PTPRN2: variants seen among roughly 807,000 people sequenced by gnomAD.
PTPRN2 encodes the protein receptor-type tyrosine-protein phosphatase N2.
PTPRN2 carries 74 observed loss-of-function variants against 118.8 expected under a neutral mutation model. The observed-to-expected ratio is 0.62, with a 90% confidence interval of 0.52 to 0.76. The LOEUF (loss-of-function observed/expected upper bound fraction) is 0.76, where lower values mean the gene tolerates loss of function less well. Among genes scored for constraint, PTPRN2 ranks in the 30% least tolerant of loss-of-function variants. The pLI is 0.00. For missense variants in PTPRN2, 1,481 were observed against 1,394.4 expected (o/e 1.06, Z -0.99); for synonymous variants, 641 against 608.0 (o/e 1.05, Z -0.80).
intron 2 of PTPRN2, among the ~76,000 whole-genome samples, chr7:158,332,859 C>T (rs1586314879): frequency 6.7e-6 from 1 of 148,852 alleles, no homozygotes; most frequent in Non-Finnish European, 1.5e-5. Flanking sequence ...ACGTCACTCA[C>T]ACCCACACTC....
intron 2 of PTPRN2, among the ~76,000 whole-genome samples, chr7:158,379,283 G>C (rs2151339030): frequency 6.6e-6 from 1 of 152,308 alleles, no homozygotes; most frequent in African/African-American, 2.4e-5. Context: ...CCGGGGTAGG[G>C]AATACGGTTC....
chr7:158,395,865 G>A (rs1812444035), intron 2 of PTPRN2, among the ~76,000 whole-genome samples: 1 of 151,980 alleles, frequency 6.6e-6, no homozygotes. Context: ...CCGAATTCGG[G>A]CAGAGCGCCA....
intron 2 of PTPRN2, among the ~76,000 whole-genome samples, chr7:158,337,640 C>G (rs1805932750): frequency 1.3e-5 from 2 of 148,206 alleles, no homozygotes; most frequent in African/African-American, 2.5e-5. Context: ...AGACGTCATT[C>G]ACACCCACAC....
At chr7:158,123,443 C>T (rs1817341359) in intron 9 of PTPRN2, among the ~76,000 whole-genome samples, 1 of 152,156 alleles carries the variant, frequency 6.6e-6, no homozygotes, top group Admixed American at 6.5e-5. Context: ...CACCCTGGAT[C>T]CCCTGCACGC....
In PTPRN2 at chr7:157,743,799, G is replaced by A. The variant is rs146119764; in HGVS notation, c.1789-60862C>T. On this transcript the variant is annotated intron_variant, in intron 12 of 22. Transcript: ENST00000389418. ...CTGTGGCTGGGATAACAATCTCCAG[G>A]TTGGCTGAGCTGGGCTTCTGGCAAG... Among the ~76,000 whole-genome samples, 286 of 152,312 alleles carry A rather than the reference G, an allele frequency of 1.9e-3. 1 individual carries two copies. Among genetic ancestry groups the A allele is most frequent in the Middle Eastern group, 3.4e-3 (1 of 294 alleles).
intron 3 of PTPRN2, among the ~76,000 whole-genome samples, chr7:158,232,857 G>A (rs908396103): frequency 2.0e-5 from 3 of 151,986 alleles, no homozygotes; most frequent in Non-Finnish European, 4.4e-5. Context: ...TGCTAAAAAA[G>A]CATTTGATAA....
At chr7:157,739,056 G>C (rs990841661) in intron 12 of PTPRN2, 1 of 152,194 alleles carries the variant, frequency 6.6e-6, no homozygotes, top group Non-Finnish European at 1.5e-5. Flanking sequence ...AGTGGTTTCT[G>C]CATCAGTTTT....
intron 1 of PTPRN2, among the ~76,000 whole-genome samples, chr7:158,562,660 G>T (rs971047641): frequency 1.3e-5 from 2 of 152,184 alleles, no homozygotes; most frequent in African/African-American, 4.8e-5. Flanking sequence ...AAGCCACAAG[G>T]CTGATTGTGC....
chr7:158,114,041 G>A (rs1244385933), intron 9 of PTPRN2, among the ~76,000 whole-genome samples: 1 of 152,238 alleles, frequency 6.6e-6, no homozygotes, highest in Non-Finnish European at 1.5e-5. Flanking sequence ...GGCTGCAACT[G>A]GAGCCCAGGA....
chr7:158,525,710 C>T lies in PTPRN2; in HGVS notation c.113-35925G>A, dbSNP rs913145822. Among the ~76,000 whole-genome samples the T allele has an allele frequency of 1.1e-4, 16 of 152,206 alleles. No homozygotes were observed. Among genetic ancestry groups the T allele is most frequent in the Non-Finnish European group, 2.2e-4 (15 of 68,038 alleles). On this transcript the variant is annotated intron_variant, in intron 1 of 22. Transcript: ENST00000389418. The surrounding 1 kb of genome is among the most constrained non-coding windows in gnomAD (Gnocchi z 4.1). The stretch of plus-strand genomic sequence containing the variant: ...ATTTATCTAATGTGCCCTCCTCATT[C>T]CCAAGCAGCCCTCGGGGGCAGATGC...
At chr7:157,890,469 G>A (rs1429051132) in intron 12 of PTPRN2, among the ~76,000 whole-genome samples, 2 of 152,078 alleles carry the variant, frequency 1.3e-5, no homozygotes, top group Admixed American at 1.3e-4. Context: ...GTGAAACCCC[G>A]TCTCTACTAA....
At chr7:157,772,253 GCA>G (rs1288686993) in intron 12 of PTPRN2, among the ~76,000 whole-genome samples, 10 of 90,970 alleles carry the variant, frequency 1.1e-4, no homozygotes, top group African/African-American at 5.7e-4. Context: ...AGACACAGAC[GCA>G]CACAGACACC....
intron 9 of PTPRN2, among the ~76,000 whole-genome samples, chr7:158,111,421 C>T (rs537915713): frequency 6.4e-4 from 98 of 152,306 alleles, no homozygotes; most frequent in African/African-American, 2.1e-3. Flanking sequence ...ACTGTGGCCG[C>T]AGACTCCCCA....
chr7:158,570,231 C>T lies in PTPRN2; in HGVS notation c.112+17327G>A, dbSNP rs909283995. 2.0e-5 allele frequency among the ~76,000 whole-genome samples: 3 copies of T among 152,232 alleles called. No homozygotes were observed. The highest frequency in any genetic ancestry group is 7.2e-5 in the African/African-American group (3 of 41,474). The stretch of plus-strand genomic sequence containing the variant: ...TCCGGGCTCCGTGTCCTTCTGGAGG[C>T]CGCTCCTTGGCCATGGGCCCTCGGT... On this transcript the variant is annotated intron_variant, in intron 1 of 22. Coordinates refer to ENST00000389418, the MANE Select transcript of PTPRN2 (RefSeq NM_002847.5). This position sits in a 1 kb window ranked among gnomAD's most constrained non-coding sequence, Gnocchi z 4.5.
chr7:158,057,088 C>T (rs1275356062), intron 11 of PTPRN2, among the ~76,000 whole-genome samples: 2 of 152,232 alleles, frequency 1.3e-5, no homozygotes, highest in Non-Finnish European at 1.5e-5. Flanking sequence ...GGGACGCTGC[C>T]CAGCTCCCGA....
chr7:158,261,295 C>T (rs80137316), intron 3 of PTPRN2, among the ~76,000 whole-genome samples: 3,182 of 152,120 alleles, frequency 0.021, 112 homozygotes, highest in African/African-American at 0.072. Flanking sequence ...CACCAGGCCA[C>T]ATGGAGCTTG....
chr7:157,569,919 C>A (rs221295), intron 20 of PTPRN2, among the ~76,000 whole-genome samples: 71,021 of 152,178 alleles, frequency 0.47, 17,021 homozygotes, highest in South Asian at 0.68. Context: ...AAAGATGTGA[C>A]TACCCAGCAG....
At chr7:158,059,882 T>C (rs1183272853) in intron 11 of PTPRN2, among the ~76,000 whole-genome samples, 14 of 105,422 alleles carry the variant, frequency 1.3e-4, no homozygotes, top group Non-Finnish European at 7.6e-5. Flanking sequence ...CGGTGAGACA[T>C]CACTGCAGCC....
chr7:158,537,822 C>T (rs1001088475), intron 1 of PTPRN2, among the ~76,000 whole-genome samples: 4 of 152,202 alleles, frequency 2.6e-5, no homozygotes, highest in African/African-American at 9.6e-5. Context: ...GCGCTTTCAG[C>T]CTATTTCTTA....
Sources: gnomAD v4.1 joint callset for allele counts (sites outside exome capture counted in the v4.1 genomes callset) on GRCh38, gnomAD v4.1.1 for gene constraint, Gnocchi (gnomAD v3.1) non-coding constraint, MANE v1.5 for transcripts, NCBI Gene and HGNC (gene_info 2026-07-23, HGNC 2026-07-21) for gene names.